The following TMEM87A variants were observed in gnomAD, a reference collection of about 807,000 sequenced individuals.
The protein encoded by TMEM87A is Golgi-pH regulating cation channel.
TMEM87A carries 50 observed loss-of-function variants against 90.0 expected under a neutral mutation model. That is an observed-to-expected ratio of 0.56 (90% CI 0.44 to 0.70). TMEM87A has a LOEUF of 0.70. Among genes scored for constraint, TMEM87A ranks in the 30% least tolerant of loss-of-function variants. The pLI is 0.00. For missense variants in TMEM87A, 577 were observed against 660.5 expected, an observed-to-expected ratio of 0.87 and a Z score of 1.39; for synonymous variants, 226 against 226.7, an observed-to-expected ratio of 1.00 and a Z score of 0.03.
chr15:42,217,899 C>A, intron 18 of TMEM87A, 66 bp from the exon 19 acceptor site: 1 of 1,491,962 alleles, frequency 6.7e-7, no homozygotes, highest in Non-Finnish European at 9.2e-7. Flanking sequence ...TCATAAAAGA[C>A]AATGGAATAA....
At chr15:42,254,039 A>C (rs182571384) in intron 6 of TMEM87A, among the ~76,000 whole-genome samples, 3 of 152,292 alleles carry the variant, frequency 2.0e-5, no homozygotes, top group Non-Finnish European at 2.9e-5. Context: ...CTCCATAACA[A>C]AACTATTTTT....
At chr15:42,217,690 T>C (rs1322245437) in intron 19 of TMEM87A, 113 bp downstream of exon 19, 9 of 949,610 alleles carry the variant, frequency 9.5e-6, no homozygotes, top group East Asian at 2.5e-5. Flanking sequence ...ATATAAACTA[T>C]AGTTTTCAGG....
At chr15:42,259,306 A>G (rs766846039) in intron 6 of TMEM87A, among the ~76,000 whole-genome samples, 7 of 152,112 alleles carry the variant, frequency 4.6e-5, no homozygotes, top group Non-Finnish European at 1.0e-4. Flanking sequence ...TATTTTTGGT[A>G]GAGACGGGGT....
rs993337889 is a variant in TMEM87A at position 42,244,228 on chromosome 15, A to G, written c.505-61T>C. 2.5e-6 allele frequency: 3 copies of G among 1,185,622 alleles called. No individual in the cohort carries two copies. The African/African-American group carries it at 4.8e-5, about 19-fold the overall frequency. The allele number at this position is 1,185,622 out of a possible 1,614,324, so 73.4% of individuals were successfully genotyped here. On this transcript the variant is annotated intron_variant, in intron 6 of 19. Transcript: ENST00000389834. ...TAAGAATTAAGAGCACAAATTAATA[A>G]TACAATATGCAAATTTTGCTCCAGA...
At chr15:42,231,644 A>G (rs1467468985) in intron 11 of TMEM87A, among the ~76,000 whole-genome samples, 1 of 152,014 alleles carries the variant, frequency 6.6e-6, no homozygotes, top group Non-Finnish European at 1.5e-5. Context: ...TCTCGTATTT[A>G]AAAAAAATTA....
intron 6 of TMEM87A, among the ~76,000 whole-genome samples, chr15:42,246,214 AT>A (rs1418414634): frequency 6.6e-6 from 1 of 151,690 alleles, no homozygotes; most frequent in Non-Finnish European, 1.5e-5. Context: ...AGCTTCATTT[AT>A]TTTTTTCTTT....
intron 1 of TMEM87A, chr15:42,272,712 C>T (rs1165158578): frequency 6.0e-6 from 2 of 332,938 alleles, no homozygotes; most frequent in Non-Finnish European, 1.2e-5. Context: ...TCAATTTTAA[C>T]CATTCCCATG....
intron 15 of TMEM87A, among the ~76,000 whole-genome samples, chr15:42,226,300 CCT>C (rs748850979): frequency 3.0e-4 from 46 of 151,700 alleles, no homozygotes; most frequent in African/African-American, 7.3e-4. Context: ...ACGCCCAGCC[CCT>C]GTGTCGGTAT....
At position 42,246,073 on chromosome 15, in the gene TMEM87A, C is replaced by A. The variant is rs2050966493; in HGVS notation, c.505-1906G>T. Among the ~76,000 whole-genome samples, 3 of 152,198 alleles carry A rather than the reference C, an allele frequency of 2.0e-5. 1 individual carries two copies. Among genetic ancestry groups the A allele is most frequent in the African/African-American group, 2.4e-5 (1 of 41,462 alleles). On this transcript the variant is annotated intron_variant, in intron 6 of 19. Transcript: ENST00000389834. ...TAGCTCCCCATTTCTTCCTCTGTCA[C>A]CACTTGCAACTACTTATTTACTTCT...
chr15:42,268,551 C>T (rs2051450911), intron 2 of TMEM87A, among the ~76,000 whole-genome samples: 1 of 152,094 alleles, frequency 6.6e-6, no homozygotes, highest in African/African-American at 2.4e-5. Flanking sequence ...CTTGTAGTCC[C>T]AGCTACTCAG....
intron 9 of TMEM87A, among the ~76,000 whole-genome samples, 160 bp downstream of exon 9, chr15:42,237,272 T>C (rs558770388): frequency 6.6e-6 from 1 of 152,318 alleles, no homozygotes; most frequent in South Asian, 2.1e-4. Flanking sequence ...ACTCATAAGA[T>C]TAAAAACAAA....
At chr15:42,238,747 CTCT>C in intron 8 of TMEM87A, among the ~76,000 whole-genome samples, 1 of 87,826 alleles carries the variant, frequency 1.1e-5, no homozygotes, top group African/African-American at 3.5e-5. Flanking sequence ...GAGTGAGACT[CTCT>C]TTTTTTTTTT....
intron 6 of TMEM87A, among the ~76,000 whole-genome samples, chr15:42,259,517 G>A (rs2051249635): frequency 6.6e-6 from 1 of 152,168 alleles, no homozygotes; most frequent in Admixed American, 6.5e-5. Context: ...CAACAACCCT[G>A]TACTCAAAGC....
intron 3 of TMEM87A, among the ~76,000 whole-genome samples, chr15:42,266,843 C>T (rs866405842): frequency 6.6e-6 from 1 of 152,186 alleles, no homozygotes; most frequent in Non-Finnish European, 1.5e-5. Context: ...ATAAAGCACT[C>T]TGCAATTGCT....
intron 16 of TMEM87A, 43 bp from the exon 17 acceptor site, chr15:42,219,685 G>A: frequency 7.4e-7 from 1 of 1,358,582 alleles, no homozygotes. Context: ...TTTGTGAACA[G>A]ACCAACAATG....
At chr15:42,214,283 A>C (rs1321659210) in intron 19 of TMEM87A, among the ~76,000 whole-genome samples, 2 of 151,758 alleles carry the variant, frequency 1.3e-5, no homozygotes, top group East Asian at 1.9e-4. Flanking sequence ...AAACGCTTTC[A>C]AAAAAATTAA....
At chr15:42,251,557 G>C (rs1337875281) in intron 6 of TMEM87A, among the ~76,000 whole-genome samples, 1 of 152,194 alleles carries the variant, frequency 6.6e-6, no homozygotes, top group Non-Finnish European at 1.5e-5. Context: ...CTGTTCGCCT[G>C]GTTATCACCA....
chr15:42,258,860 T>C, intron 6 of TMEM87A: 1 of 1,509,890 alleles, frequency 6.6e-7, no homozygotes, highest in South Asian at 1.3e-5. Context: ...TAAGAAACTC[T>C]GAAAATCTAC....
intron 6 of TMEM87A, among the ~76,000 whole-genome samples, chr15:42,247,378 T>C (rs1216166732): frequency 1.3e-5 from 2 of 152,218 alleles, no homozygotes; most frequent in East Asian, 1.9e-4. Context: ...ATGTCCTGAA[T>C]GGTATTGCCT....
Sources: allele counts gnomAD v4.1 joint callset (sites outside exome capture counted in the v4.1 genomes callset), GRCh38; gene constraint gnomAD v4.1.1; transcripts MANE v1.5; gene names NCBI Gene and HGNC (gene_info 2026-07-23, HGNC 2026-07-21).